DLG2: variants seen among roughly 807,000 people sequenced by gnomAD.
DLG2 encodes the protein discs large MAGUK scaffold protein 2, also known as disks large homolog 2.
In DLG2, 45 loss-of-function variants were observed where a neutral mutation model predicts 132.5. The observed-to-expected ratio is 0.34, with a 90% CI of 0.27 to 0.44. The LOEUF is 0.44. Ranked by LOEUF, DLG2 falls within the 20% of genes least tolerant of loss-of-function variation. The pLI is 1.00. For synonymous variants in DLG2, 424 were observed against 419.6 expected, an observed-to-expected ratio of 1.01 and a Z score of -0.13; for missense variants, 1,045 against 1,196.9, an observed-to-expected ratio of 0.87 and a Z score of 1.87.
chr11:83,875,831 C>T (rs183604154), intron 15 of DLG2, among the ~76,000 whole-genome samples: 5 of 152,238 alleles, frequency 3.3e-5, no homozygotes, highest in Non-Finnish European at 5.9e-5. Context: ...GAACCTTGGT[C>T]ACCACAGGTG....
Position 83,541,784 on chromosome 11 carries a change from A to G in DLG2, c.2015T>C (p.Ile672Thr), listed in dbSNP as rs773572570. 5 of 1,613,274 alleles carry G rather than the reference A, an allele frequency of 3.1e-6. No individual in the cohort carries two copies. The Admixed American group carries it at 6.7e-5, about 22-fold the overall frequency. ...ATCAGAGGCATTGATAACGTGGAGA[A>G]TATCTCCATATTTAAAACTAAGTCC... The part of the protein sequence containing the change: ...SQGLSFKYGD[I>T]LHVINASDDE... The change falls in exon 20 of 28, where the codon ATT (isoleucine) becomes ACT (threonine). Residue 672 changes from isoleucine to threonine, a missense_variant. This residue lies in a region of DLG2 where 398 missense variants were observed against 543.6 expected (regional missense o/e 0.73). Transcript: ENST00000376104.
chr11:85,317,771 G>T (rs545305280), intron 3 of DLG2, among the ~76,000 whole-genome samples: 3 of 152,026 alleles, frequency 2.0e-5, no homozygotes, highest in African/African-American at 7.2e-5. Context: ...ATGAAGGGTA[G>T]GAGGAGGGAA....
At chr11:84,250,929 G>A (rs183784088) in intron 8 of DLG2, among the ~76,000 whole-genome samples, 2 of 152,266 alleles carry the variant, frequency 1.3e-5, no homozygotes, top group African/African-American at 2.4e-5. Context: ...ACCCAAAGAA[G>A]TTTGCTAGTG....
chr11:85,559,703 A>T (rs1235091266), intron 3 of DLG2, among the ~76,000 whole-genome samples: 3 of 151,766 alleles, frequency 2.0e-5, no homozygotes, highest in Non-Finnish European at 2.9e-5. Flanking sequence ...GTAAAAAAAA[A>T]TTTAAGCACT....
At chr11:84,376,890 G>T (rs906988420) in intron 7 of DLG2, among the ~76,000 whole-genome samples, 1 of 151,848 alleles carries the variant, frequency 6.6e-6, no homozygotes, top group Non-Finnish European at 1.5e-5. Flanking sequence ...GATAAATGTA[G>T]ATTAATGACA....
intron 6 of DLG2, among the ~76,000 whole-genome samples, chr11:84,816,760 C>T (rs779196757): frequency 2.6e-5 from 4 of 151,956 alleles, no homozygotes; most frequent in Non-Finnish European, 4.4e-5. Context: ...TATCCCCAAC[C>T]ATTACAGTCA....
chr11:83,924,510 T>C (rs10898179), intron 15 of DLG2, among the ~76,000 whole-genome samples: 11,730 of 152,184 alleles, frequency 0.077, 637 homozygotes, highest in African/African-American at 0.15. Flanking sequence ...AAATGGCATG[T>C]TGTAAAATAC....
At chr11:84,887,256 C>T (rs931027434) in intron 6 of DLG2, 15 of 151,960 alleles carry the variant, frequency 9.9e-5, no homozygotes, top group South Asian at 2.1e-4. Context: ...TGGAAACATC[C>T]GGATGTGAGG....
At chr11:84,638,497 TA>T (rs1565523742) in intron 6 of DLG2, among the ~76,000 whole-genome samples, 2 of 152,202 alleles carry the variant, frequency 1.3e-5, no homozygotes, top group African/African-American at 4.8e-5. Flanking sequence ...TTAAGATGAA[TA>T]ATCATTTAAG....
At chr11:84,299,386 C>G (rs1245730859) in intron 7 of DLG2, among the ~76,000 whole-genome samples, 2 of 151,934 alleles carry the variant, frequency 1.3e-5, no homozygotes. Flanking sequence ...GATAACACAC[C>G]AAAACTCAAG....
chr11:84,641,881 T>C (rs1043356431), intron 6 of DLG2, among the ~76,000 whole-genome samples: 3 of 151,820 alleles, frequency 2.0e-5, no homozygotes, highest in East Asian at 3.9e-4. Context: ...AAAATGTCCA[T>C]TTTTGTCAAA....
chr11:83,756,504 C>T (rs2093652627), intron 18 of DLG2, among the ~76,000 whole-genome samples: 1 of 151,422 alleles, frequency 6.6e-6, no homozygotes, highest in Non-Finnish European at 1.5e-5. Flanking sequence ...GGCTCTAAGG[C>T]CAGACTTCCT....
chr11:83,460,833 G>A (rs2089782086), intron 27 of DLG2, among the ~76,000 whole-genome samples: 1 of 152,042 alleles, frequency 6.6e-6, no homozygotes. Flanking sequence ...GTTCTTTTAG[G>A]ATGAAACACA....
intron 18 of DLG2, among the ~76,000 whole-genome samples, chr11:83,710,118 C>A (rs149767444): frequency 9.9e-5 from 15 of 151,668 alleles, no homozygotes; most frequent in Middle Eastern, 3.5e-3. Flanking sequence ...TTTCATTTAA[C>A]ACATGTGAAA....
At chr11:84,007,048 T>A (rs1019463464) in intron 11 of DLG2, among the ~76,000 whole-genome samples, 1 of 151,790 alleles carries the variant, frequency 6.6e-6, no homozygotes, top group Non-Finnish European at 1.5e-5. Flanking sequence ...CTAACTTTAC[T>A]ACCTCACTCG....
intron 19 of DLG2, among the ~76,000 whole-genome samples, chr11:83,561,886 T>G (rs1165056536): frequency 1.5e-4 from 6 of 39,776 alleles, no homozygotes; most frequent in Non-Finnish European, 2.7e-4. Context: ...TTTCTTTCTT[T>G]TTTTTTTTTT....
chr11:85,608,616 C>A (rs1281422000), intron 2 of DLG2, among the ~76,000 whole-genome samples: 1 of 152,100 alleles, frequency 6.6e-6, no homozygotes, highest in East Asian at 1.9e-4. Flanking sequence ...TCTCCCCGGC[C>A]CAGAAGGAAA....
At chr11:84,314,274 C>G (rs1665062578) in intron 7 of DLG2, among the ~76,000 whole-genome samples, 1 of 152,134 alleles carries the variant, frequency 6.6e-6, no homozygotes, top group African/African-American at 2.4e-5. Flanking sequence ...ATCAAGGATT[C>G]TAATGTTTAG....
chr11:83,722,730 T>C (rs1447528266), intron 18 of DLG2, among the ~76,000 whole-genome samples: 1 of 152,104 alleles, frequency 6.6e-6, no homozygotes, highest in Non-Finnish European at 1.5e-5. Context: ...CCAACTTAGG[T>C]GAATAAACTT....
Sources: allele counts gnomAD v4.1 joint callset (sites outside exome capture counted in the v4.1 genomes callset), GRCh38; gene constraint gnomAD v4.1.1; regional missense constraint gnomAD v4.1.1; transcripts MANE v1.5; gene names NCBI Gene and HGNC (gene_info 2026-07-23, HGNC 2026-07-21).